RPN2: variants seen among roughly 807,000 people sequenced by gnomAD.
RPN2 encodes the protein dolichyl-diphosphooligosaccharide--protein glycosyltransferase subunit 2.
A neutral mutation model predicts 71.4 loss-of-function variants in RPN2; 29 were observed. That is an observed-to-expected ratio of 0.41 (90% CI 0.30 to 0.55). The LOEUF is 0.55. RPN2 is among the 20% of genes least tolerant of loss of function. The probability of loss-of-function intolerance (pLI) is 0.35; values close to 1 mark genes in which losing one functional copy is unlikely to be tolerated. For missense variants in RPN2, 726 were observed against 774.1 expected (o/e 0.94, Z 0.74); for synonymous variants, 308 against 305.0 (o/e 1.01, Z -0.10).
At chr20:37,202,987 C>G (rs191170056) in intron 4 of RPN2, among the ~76,000 whole-genome samples, 23 of 152,072 alleles carry the variant, frequency 1.5e-4, no homozygotes, top group Admixed American at 5.2e-4. Flanking sequence ...TGCGGTGGTG[C>G]AATCACAGCT....
At chr20:37,217,298 A>C (rs6104106) in intron 9 of RPN2, among the ~76,000 whole-genome samples, 5 of 145,778 alleles carry the variant, frequency 3.4e-5, no homozygotes, top group African/African-American at 8.0e-5. Context: ...TATTATTATT[A>C]TTCTTTTTTT....
At position 37,207,833 on chromosome 20, in the gene RPN2, C is replaced by T. The variant is rs573637183; in HGVS notation, c.867+384C>T. 2.0e-5 allele frequency among the ~76,000 whole-genome samples: 3 copies of T among 152,204 alleles called. No individual in the cohort carries two copies. The South Asian group carries it at 6.2e-4, about 32-fold the overall frequency. On this transcript the variant is annotated intron_variant, in intron 7 of 16. Coordinates refer to ENST00000237530, the MANE Select transcript of RPN2 (RefSeq NM_002951.5). ...AGTAGCTGGGATCACAGGCGCACAC[C>T]ACCATGCCTAGCTAATTTTTGCATT...
intron 11 of RPN2, 113 bp from the exon 12 acceptor site, chr20:37,228,437 G>T: frequency 2.0e-6 from 2 of 1,012,344 alleles, no homozygotes; most frequent in South Asian, 2.7e-5. Context: ...AGATCCCAGA[G>T]CTCTCACTGT....
At chr20:37,205,558 A>G (rs1159482272) in intron 6 of RPN2, among the ~76,000 whole-genome samples, 1 of 152,134 alleles carries the variant, frequency 6.6e-6, no homozygotes, top group Non-Finnish European at 1.5e-5. Flanking sequence ...AAATTTTAGG[A>G]GGAGAGATTT....
rs1487587410 is a variant in RPN2, at chr20:37,238,040, A to G, written c.1883+1331A>G. On this transcript the variant is annotated intron_variant, in intron 16 of 16. Coordinates refer to ENST00000237530, the MANE Select transcript of RPN2 (RefSeq NM_002951.5). ...GACCTCGTCTCTCAAAAAATTAATA[A>G]AAATTAAGAAAAAAATCAAGACAAG... 3.9e-5 allele frequency among the ~76,000 whole-genome samples: 6 copies of G among 152,288 alleles called. No individual in the cohort carries two copies. The East Asian group carries it at 1.2e-3, about 29-fold the overall frequency.
chr20:37,198,307 A>G lies in RPN2; in HGVS notation c.208-90A>G, dbSNP rs576703470. On this transcript the variant is annotated intron_variant, in intron 2 of 16. Coordinates refer to ENST00000237530, the MANE Select transcript of RPN2 (RefSeq NM_002951.5). Reference sequence around the variant, plus strand: ...TAGCTCATTCCTTAAGCCATCTATAATGGCTGAGAATGTTATCTAAAAACG... The same window carrying G: ...TAGCTCATTCCTTAAGCCATCTATAGTGGCTGAGAATGTTATCTAAAAACG... 67 of 1,608,252 alleles carry G rather than the reference A, an allele frequency of 4.2e-5. No individual in the cohort carries two copies. In the East Asian group the frequency reaches 1.1e-3, roughly 27 times the overall value.
chr20:37,226,095 A>G (rs1038048202), intron 11 of RPN2, among the ~76,000 whole-genome samples: 2 of 152,082 alleles, frequency 1.3e-5, no homozygotes, highest in African/African-American at 2.4e-5. Flanking sequence ...CCTCCCTCAG[A>G]TGGACTCTTG....
intron 2 of RPN2, among the ~76,000 whole-genome samples, chr20:37,189,009 C>T (rs987188508): frequency 2.6e-5 from 4 of 152,062 alleles, no homozygotes; most frequent in Non-Finnish European, 5.9e-5. Context: ...TCTTAGCTCA[C>T]TGCAACCTCC....
chr20:37,218,661 A>T lies in RPN2; in HGVS notation c.1092+4796A>T, dbSNP rs76583613. Among the ~76,000 whole-genome samples the T allele has an allele frequency of 1.1e-3, 169 of 152,088 alleles. 2 individuals are homozygous for T. The highest frequency in any genetic ancestry group is 4.0e-3 in the African/African-American group (166 of 41,498). On this transcript the variant is annotated intron_variant, in intron 9 of 16. Transcript: ENST00000237530. ...GAATATATTTATCACCCTGGAGAGCAATGCTATATCTTTTAGTGGGCACTC... is the reference window on the plus strand; with the variant it reads ...GAATATATTTATCACCCTGGAGAGCTATGCTATATCTTTTAGTGGGCACTC...
chr20:37,225,112 A>G (rs1208004922), intron 10 of RPN2, among the ~76,000 whole-genome samples: 1 of 152,196 alleles, frequency 6.6e-6, no homozygotes, highest in Non-Finnish European at 1.5e-5. Context: ...TGTGAAAAGA[A>G]GTTTTCCTCA....
At chr20:37,237,281 A>T (rs932244279) in intron 16 of RPN2, among the ~76,000 whole-genome samples, 4 of 152,240 alleles carry the variant, frequency 2.6e-5, no homozygotes, top group Non-Finnish European at 5.9e-5. Flanking sequence ...ACATGAGGGC[A>T]GCTTGCTGGC....
intron 13 of RPN2, among the ~76,000 whole-genome samples, chr20:37,230,688 A>G (rs1350700844): frequency 1.3e-5 from 2 of 152,206 alleles, no homozygotes; most frequent in Non-Finnish European, 2.9e-5. Flanking sequence ...AAACTTGCAT[A>G]CGAATTAATG....
intron 16 of RPN2, chr20:37,238,757 C>T (rs772831118): frequency 1.6e-6 from 1 of 621,702 alleles, no homozygotes; most frequent in South Asian, 1.4e-5. Flanking sequence ...TATAGACAAG[C>T]CTCTCTCTCT....
intron 5 of RPN2, among the ~76,000 whole-genome samples, chr20:37,204,288 A>G (rs2067462214): frequency 6.6e-6 from 1 of 152,206 alleles, no homozygotes; most frequent in East Asian, 1.9e-4. Context: ...TGGATGCTTC[A>G]CAGGCACGTT....
intron 15 of RPN2, among the ~76,000 whole-genome samples, chr20:37,234,685 G>GT (rs113523661): frequency 0.13 from 18,624 of 145,602 alleles, 1,306 homozygotes; most frequent in African/African-American, 0.19. Context: ...TTTGTTCGTT[G>GT]TTTTTTTTTT....
intron 13 of RPN2, among the ~76,000 whole-genome samples, chr20:37,230,642 G>A (rs2068215882): frequency 6.6e-6 from 1 of 152,150 alleles, no homozygotes; most frequent in African/African-American, 2.4e-5. Flanking sequence ...CCACTCAGTG[G>A]ACTATTTTGC....
chr20:37,229,582 T>C (rs1420480649), intron 12 of RPN2, among the ~76,000 whole-genome samples: 1 of 152,200 alleles, frequency 6.6e-6, no homozygotes, highest in Non-Finnish European at 1.5e-5. Context: ...TCTCCTGGAC[T>C]TCAGGCTGTT....
chr20:37,230,212 C>T (rs1039187170), intron 13 of RPN2, among the ~76,000 whole-genome samples, 153 bp downstream of exon 13: 1 of 152,232 alleles, frequency 6.6e-6, no homozygotes. Flanking sequence ...CAGCCCCATC[C>T]TTGAACTGAG....
chr20:37,213,655 T>A (rs2067732712), intron 8 of RPN2, 105 bp from the exon 9 acceptor site: 12 of 857,588 alleles, frequency 1.4e-5, no homozygotes, highest in Middle Eastern at 2.2e-4. Flanking sequence ...GGTAAGGAGT[T>A]GGCTAGCCTT....
Sources: gnomAD v4.1 joint callset for allele counts (sites outside exome capture counted in the v4.1 genomes callset) on GRCh38, gnomAD v4.1.1 for gene constraint, MANE v1.5 for transcripts, NCBI Gene and HGNC (gene_info 2026-07-23, HGNC 2026-07-21) for gene names.